Variants in GFRA2 observed in about 807,000 individuals in gnomAD.
The protein encoded by GFRA2 is GDNF family receptor alpha-2.
Under a neutral mutation model 48.3 loss-of-function variants are expected in GFRA2, and 17 were observed. The observed-to-expected ratio is 0.35, with a 90% CI of 0.24 to 0.53. The LOEUF is 0.53. Among genes scored for constraint, GFRA2 ranks in the 20% least tolerant of loss-of-function variants. The pLI is 0.93. For missense variants in GFRA2, 660 were observed against 637.3 expected, an observed-to-expected ratio of 1.04 and a Z score of -0.38; for synonymous variants, 305 against 257.2, an observed-to-expected ratio of 1.19 and a Z score of -1.78.
chr8:21,727,734 G>C (rs1803948876), intron 4 of GFRA2, among the ~76,000 whole-genome samples: 1 of 152,200 alleles, frequency 6.6e-6, no homozygotes, highest in African/African-American at 2.4e-5. Context: ...CTCGGTATTT[G>C]AGGGCCAGGC....
upstream of GFRA2, among the ~76,000 whole-genome samples, chr8:21,790,397 C>A (rs1467344777): frequency 6.6e-6 from 1 of 152,356 alleles, no homozygotes; most frequent in South Asian, 2.1e-4. Context: ...AAGATGCATT[C>A]TTAAATAACA....
intron 6 of GFRA2, among the ~76,000 whole-genome samples, chr8:21,704,217 C>A (rs73669513): frequency 6.6e-6 from 1 of 152,224 alleles, no homozygotes; most frequent in African/African-American, 2.4e-5. Context: ...CTGACCGATG[C>A]CCAGCTAACC....
chr8:21,799,280 C>T (rs1384878063), intron 2 of GFRA2, among the ~76,000 whole-genome samples: 3 of 150,676 alleles, frequency 2.0e-5, no homozygotes, highest in Non-Finnish European at 2.9e-5. Context: ...TGCAGTGGCG[C>T]GATCGCGGCT....
intron 7 of GFRA2, among the ~76,000 whole-genome samples, chr8:21,701,263 G>A (rs547400877): frequency 3.3e-5 from 5 of 152,310 alleles, no homozygotes; most frequent in African/African-American, 4.8e-5. Flanking sequence ...GCATGTTGGC[G>A]GGTGCCTGTA....
intron 3 of GFRA2, among the ~76,000 whole-genome samples, chr8:21,773,460 G>A (rs947672313): frequency 7.9e-5 from 12 of 152,210 alleles, no homozygotes; most frequent in South Asian, 2.1e-4. Flanking sequence ...CTAGGGACAC[G>A]TGTATCATCC....
intron 2 of GFRA2, among the ~76,000 whole-genome samples, chr8:21,776,679 C>T (rs1405444009): frequency 6.6e-6 from 1 of 152,050 alleles, no homozygotes; most frequent in African/African-American, 2.4e-5. Context: ...CCATGTTGGC[C>T]AGGCTGGTCT....
At chr8:21,726,113 C>T (rs1373763546) in intron 4 of GFRA2, among the ~76,000 whole-genome samples, 4 of 152,218 alleles carry the variant, frequency 2.6e-5, no homozygotes, top group African/African-American at 9.6e-5. Flanking sequence ...GCCAAGAACA[C>T]CACAGTCATC....
chr8:21,791,675 G>A (rs1210786565), upstream of GFRA2, among the ~76,000 whole-genome samples: 4 of 152,116 alleles, frequency 2.6e-5, no homozygotes, highest in South Asian at 2.1e-4. Flanking sequence ...ATAAACCAAC[G>A]TTGTAGAAAT....
At chr8:21,783,162 A>G (rs1050742099) in intron 1 of GFRA2, 15 of 629,914 alleles carry the variant, frequency 2.4e-5, no homozygotes, top group Middle Eastern at 2.5e-4. Flanking sequence ...CAGCACAATA[A>G]AGCCAGGAAG....
chr8:21,722,585 T>C (rs1411796853), intron 4 of GFRA2, among the ~76,000 whole-genome samples: 1 of 152,134 alleles, frequency 6.6e-6, no homozygotes, highest in Non-Finnish European at 1.5e-5. Flanking sequence ...CATGGGCCCT[T>C]GGTCTCGCCC....
chr8:21,741,410 C>G (rs1398971537), intron 4 of GFRA2, among the ~76,000 whole-genome samples: 2 of 152,298 alleles, frequency 1.3e-5, no homozygotes, highest in Non-Finnish European at 2.9e-5. Context: ...CCTGGCCAAG[C>G]AGATTCCCCC....
intron 7 of GFRA2, among the ~76,000 whole-genome samples, chr8:21,699,190 T>G (rs1048804793): frequency 6.6e-6 from 1 of 152,172 alleles, no homozygotes. Context: ...AATGAATGAA[T>G]GCACTGACCG....
At chr8:21,718,267 G>A (rs1250473634) in intron 4 of GFRA2, among the ~76,000 whole-genome samples, 3 of 152,166 alleles carry the variant, frequency 2.0e-5, no homozygotes, top group African/African-American at 7.2e-5. Flanking sequence ...TTCACAAACT[G>A]TCTCTCTTTG....
At chr8:21,805,858 T>C (rs1055271930) in intron 1 of GFRA2, among the ~76,000 whole-genome samples, 1 of 152,238 alleles carries the variant, frequency 6.6e-6, no homozygotes, top group South Asian at 2.1e-4. Flanking sequence ...CAGCCAGCAG[T>C]TCCCATCTGC....
At chr8:21,776,257 G>T (rs1806701835) in intron 2 of GFRA2, among the ~76,000 whole-genome samples, 2 of 152,046 alleles carry the variant, frequency 1.3e-5, no homozygotes, top group South Asian at 2.1e-4. Context: ...CCCCCTGCAG[G>T]CTCACCGAGC....
chr8:21,733,039 G>A (rs1349005267), intron 4 of GFRA2, among the ~76,000 whole-genome samples: 1 of 152,152 alleles, frequency 6.6e-6, no homozygotes, highest in Non-Finnish European at 1.5e-5. Flanking sequence ...AGAGCCTTGG[G>A]CTGTGAGTGC....
intron 4 of GFRA2, among the ~76,000 whole-genome samples, chr8:21,723,347 A>G (rs1173963989): frequency 6.6e-6 from 1 of 152,148 alleles, no homozygotes; most frequent in Non-Finnish European, 1.5e-5. Flanking sequence ...AGGAGACAGG[A>G]TATAGAAGTA....
chr8:21,701,657 G>T (rs1697643930), intron 7 of GFRA2, among the ~76,000 whole-genome samples: 1 of 152,100 alleles, frequency 6.6e-6, no homozygotes, highest in South Asian at 2.1e-4. Flanking sequence ...TTCCTCCATT[G>T]ACCAAGCACT....
At chr8:21,805,869 C>G (rs1176199674) in intron 1 of GFRA2, among the ~76,000 whole-genome samples, 3 of 152,188 alleles carry the variant, frequency 2.0e-5, no homozygotes. Flanking sequence ...TCCCATCTGC[C>G]TGGAGAAACA....
Sources: allele counts gnomAD v4.1 joint callset (sites outside exome capture counted in the v4.1 genomes callset), GRCh38; gene constraint gnomAD v4.1.1; transcripts MANE v1.5; gene names NCBI Gene and HGNC (gene_info 2026-07-23, HGNC 2026-07-21).